The following ANKS6 variants were observed in gnomAD, a reference collection of about 807,000 sequenced individuals.
The protein encoded by ANKS6 is ankyrin repeat and SAM domain-containing protein 6.
In ANKS6, 47 loss-of-function variants were observed where a neutral mutation model predicts 77.9. The observed-to-expected ratio is 0.60, with a 90% CI of 0.48 to 0.77. The LOEUF is 0.77. Among genes scored for constraint, ANKS6 ranks in the 30% least tolerant of loss-of-function variants. The pLI is 0.00. For synonymous variants in ANKS6, 488 were observed against 501.7 expected (o/e 0.97, Z 0.37); for missense variants, 1,150 against 1,159.1 (o/e 0.99, Z 0.11).
chr9:98,769,520 G>A (rs1428099944), intron 10 of ANKS6, among the ~76,000 whole-genome samples: 1 of 152,168 alleles, frequency 6.6e-6, no homozygotes, highest in Non-Finnish European at 1.5e-5. Flanking sequence ...ATGGAATACT[G>A]TTTGATTATT....
At position 98,782,433 on chromosome 9, in the gene ANKS6, G is replaced by A. The variant is rs1230198233; in HGVS notation, c.1219+34C>T. 3 of 1,584,516 alleles carry A rather than the reference G, an allele frequency of 1.9e-6. No homozygotes were observed. The African/African-American group carries it at 4.0e-5, about 21-fold the overall frequency. On this transcript the variant is annotated intron_variant, in intron 5 of 14. Transcript: ENST00000353234. Reference sequence around the variant, plus strand: ...TGACTCCCAGTCCAAGAAACGCTGGGTAGATTTACAACCCTTTTCTTGAAA... The same window carrying A: ...TGACTCCCAGTCCAAGAAACGCTGGATAGATTTACAACCCTTTTCTTGAAA...
At position 98,758,722 on chromosome 9, in the gene ANKS6, A is replaced by T. The variant is rs530864772; in HGVS notation, c.2143-2119T>A. ...ACCCAACATCCACAGAGTTTGTTCT[A>T]GCATTTTTCCTTTGATTCTGTCTCT... On this transcript the variant is annotated intron_variant, in intron 11 of 14. Coordinates refer to ENST00000353234, the MANE Select transcript of ANKS6 (RefSeq NM_173551.5). Among the ~76,000 whole-genome samples, 5 of 152,356 alleles carry T rather than the reference A, an allele frequency of 3.3e-5. No individual in the cohort carries two copies. The South Asian group carries it at 1.0e-3, about 32-fold the overall frequency.
chr9:98,744,119 G>A (rs939475432), intron 14 of ANKS6, among the ~76,000 whole-genome samples: 10 of 152,138 alleles, frequency 6.6e-5, no homozygotes, highest in African/African-American at 2.4e-4. Flanking sequence ...CTAGGCCCAC[G>A]CAACAACCAA....
At position 98,790,251 on chromosome 9, in the gene ANKS6, C is replaced by T. The variant is rs1176503832; in HGVS notation, c.715G>A (p.Gly239Arg). Reference protein sequence around the residue: ...LMLAALTGRLGVAQQLVEKGA... With the variant: ...LMLAALTGRLRVAQQLVEKGA... ...TTCTCCACCAGCTGCTGGGCCACTC[C>T]AAGCCGCCCAGTGAGTGCGGCCAGC... The change falls in exon 2 of 15, where the codon GGA becomes AGA. Residue 239 changes from glycine (G) to arginine (R), a missense_variant. Gly to Arg is a moderately radical substitution (Grantham distance 125). Coordinates refer to ENST00000353234, the MANE Select transcript of ANKS6 (RefSeq NM_173551.5). 1.2e-6 allele frequency: 2 copies of T among 1,605,834 alleles called. No homozygotes were observed. Among genetic ancestry groups the T allele is most frequent in the African/African-American group, 2.7e-5 (2 of 74,792 alleles).
intron 11 of ANKS6, among the ~76,000 whole-genome samples, chr9:98,763,901 A>G (rs1833140658): frequency 5.9e-5 from 9 of 152,162 alleles, no homozygotes; most frequent in Admixed American, 3.9e-4. Context: ...TGAAAGATAC[A>G]AAGTACAAAA....
intron 2 of ANKS6, among the ~76,000 whole-genome samples, chr9:98,786,736 C>A (rs1834595900): frequency 6.6e-6 from 1 of 152,224 alleles, no homozygotes; most frequent in Non-Finnish European, 1.5e-5. Flanking sequence ...CAAGAACCAA[C>A]TTTGCTGTGG....
rs1338032235 is a variant in ANKS6 at position 98,773,886 on chromosome 9, G to A, written c.1812C>T (p.Gly604=). The change falls in exon 9 of 15, where the codon GGC becomes GGT. Residue 604 remains glycine, a synonymous_variant. Coordinates refer to ENST00000353234, the MANE Select transcript of ANKS6 (RefSeq NM_173551.5). ...ASRGHPVGGG[G]TDTTPVRPVK... is the part of the protein sequence containing the mutation. ...TCAGAAGACAACTTACAGTGTCTGTGCCCCCGCCGCCCACGGGGTGGCCCC... is the reference window on the plus strand; with the variant it reads ...TCAGAAGACAACTTACAGTGTCTGTACCCCCGCCGCCCACGGGGTGGCCCC... 2 of 1,558,048 alleles carry A rather than the reference G, an allele frequency of 1.3e-6. No individual in the cohort carries two copies. The highest frequency in any genetic ancestry group is 2.3e-5 in the East Asian group (1 of 42,722).
chr9:98,741,442 A>G (rs1831823638), intron 14 of ANKS6, among the ~76,000 whole-genome samples: 1 of 152,166 alleles, frequency 6.6e-6, no homozygotes, highest in Non-Finnish European at 1.5e-5. Context: ...GAAAAAACAA[A>G]AAAAAGGACA....
chr9:98,772,191 G>T (rs1588383213), intron 9 of ANKS6, among the ~76,000 whole-genome samples: 1 of 152,196 alleles, frequency 6.6e-6, no homozygotes, highest in Admixed American at 6.5e-5. Context: ...TTGAGAGGAG[G>T]AGCTTATCCT....
chr9:98,764,556 G>A (rs1264253087), intron 11 of ANKS6, among the ~76,000 whole-genome samples: 4 of 152,052 alleles, frequency 2.6e-5, no homozygotes, highest in African/African-American at 7.2e-5. Flanking sequence ...TGTTTTATAT[G>A]TGTTTCTTCT....
intron 11 of ANKS6, among the ~76,000 whole-genome samples, chr9:98,759,156 A>AGAAGAGTTCCATCATCCTCT (rs1832881932): frequency 6.6e-6 from 1 of 152,220 alleles, no homozygotes; most frequent in Non-Finnish European, 1.5e-5. Context: ...GGTACCATAC[A>AGAAGAGTTCCATCATCCTCT]GAAGAGTTCC....
At chr9:98,779,941 C>T (rs771022321) in intron 6 of ANKS6, among the ~76,000 whole-genome samples, 5 of 152,046 alleles carry the variant, frequency 3.3e-5, no homozygotes, top group African/African-American at 7.2e-5. Context: ...GGATTACAGG[C>T]GTGAGCCACC....
At chr9:98,743,738 G>A (rs944583828) in intron 14 of ANKS6, among the ~76,000 whole-genome samples, 2 of 152,192 alleles carry the variant, frequency 1.3e-5, no homozygotes, top group African/African-American at 4.8e-5. Context: ...CTTTCGTAAG[G>A]ATTAAATGAA....
chr9:98,768,738 A>C (rs1833451430), intron 10 of ANKS6, among the ~76,000 whole-genome samples: 1 of 151,986 alleles, frequency 6.6e-6, no homozygotes, highest in South Asian at 2.1e-4. Context: ...ATAAATTCCC[A>C]ATTCCATAAT....
rs749459535 is a variant in ANKS6 at position 98,732,763 on chromosome 9, C to T, written c.*3756G>A. On this transcript the variant is annotated 3_prime_UTR_variant, in exon 15 of 15. Transcript: ENST00000353234. Reference sequence around the variant, plus strand: ...GGAAGAAGAAACGTGCTCAACATCACGCAGCACTAGGTCTATGTCCAGTGC... The same window carrying T: ...GGAAGAAGAAACGTGCTCAACATCATGCAGCACTAGGTCTATGTCCAGTGC... The T allele has an allele frequency of 1.3e-5, 19 of 1,416,760 alleles. No individual in the cohort carries two copies. The highest frequency in any genetic ancestry group is 5.8e-5 in the Admixed American group (2 of 34,572). The allele number at this position is 1,416,760 out of a possible 1,614,324, so 87.8% of individuals were successfully genotyped here.
In ANKS6 at chr9:98,733,725, T is replaced by C; in HGVS notation, c.*2794A>G. The C allele has an allele frequency of 1.0e-6, 1 of 985,482 alleles. No homozygotes were observed. The allele number at this position is 985,482 out of a possible 1,614,324, so 61.0% of individuals were successfully genotyped here. On this transcript the variant is annotated 3_prime_UTR_variant, in exon 15 of 15. Transcript: ENST00000353234. ...AGAGGCCTGACCCATGCTGGCATGCTGAAGGTTGTGAGAGGCCTGTAGCAA... is the reference window on the plus strand; with the variant it reads ...AGAGGCCTGACCCATGCTGGCATGCCGAAGGTTGTGAGAGGCCTGTAGCAA...
At position 98,732,994 on chromosome 9, in the gene ANKS6, C is replaced by T; in HGVS notation, c.*3525G>A. The T allele has an allele frequency of 1.0e-6, 1 of 977,458 alleles. No individual in the cohort carries two copies. The highest frequency in any genetic ancestry group is 4.1e-5 in the South Asian group (1 of 24,252). The allele number at this position is 977,458 out of a possible 1,614,324, so 60.5% of individuals were successfully genotyped here. ...CTCCATCTCTCTCCTCTGGGGCGTGCCCAGGCTGAGCCTGAGCCATCATCG... is the reference window on the plus strand; with the variant it reads ...CTCCATCTCTCTCCTCTGGGGCGTGTCCAGGCTGAGCCTGAGCCATCATCG... On this transcript the variant is annotated 3_prime_UTR_variant, in exon 15 of 15. Transcript: ENST00000353234.
Position 98,744,616 on chromosome 9 carries a change from T to C in ANKS6, c.2511+943A>G, listed in dbSNP as rs551104830. ...TGTGTCTGTTCAATATTTCTGTGCA[T>C]AGTCCAGCAACATACAGAAACAACC... On this transcript the variant is annotated intron_variant, in intron 14 of 14. Coordinates refer to ENST00000353234, the MANE Select transcript of ANKS6 (RefSeq NM_173551.5). Among the ~76,000 whole-genome samples, 123 of 152,254 alleles carry C rather than the reference T, an allele frequency of 8.1e-4. 1 individual carries two copies. Among genetic ancestry groups the C allele is most frequent in the African/African-American group, 2.9e-3 (119 of 41,528 alleles).
At chr9:98,769,246 C>T (rs768890282) in intron 10 of ANKS6, among the ~76,000 whole-genome samples, 6 of 152,076 alleles carry the variant, frequency 3.9e-5, no homozygotes, top group Non-Finnish European at 5.9e-5. Flanking sequence ...ATGTGCCAGG[C>T]GCTGCTGTAA....
Sources: allele counts gnomAD v4.1 joint callset (sites outside exome capture counted in the v4.1 genomes callset), GRCh38; gene constraint gnomAD v4.1.1; transcripts MANE v1.5; gene names NCBI Gene and HGNC (gene_info 2026-07-23, HGNC 2026-07-21).